Variants in GAA observed in about 807,000 individuals in gnomAD.
GAA encodes the protein alpha glucosidase.
A neutral mutation model predicts 103.9 loss-of-function variants in GAA; 88 were observed. That is an observed-to-expected ratio of 0.85 (90% confidence interval 0.71 to 1.01). The LOEUF (loss-of-function observed/expected upper bound fraction) is 1.01, where lower values mean the gene tolerates loss of function less well. Ranked by LOEUF, GAA falls within the 50% of genes least tolerant of loss-of-function variation. The pLI, the probability that GAA is intolerant of heterozygous loss-of-function variation, is 0.00. For synonymous variants in GAA, 572 were observed against 563.1 expected, an observed-to-expected ratio of 1.02 and a Z score of -0.22; for missense variants, 1,350 against 1,305.3, an observed-to-expected ratio of 1.03 and a Z score of -0.53.
At chr17:80,117,458 G>C in intron 16 of GAA, 142 bp from the exon 17 acceptor site, 1 of 994,646 alleles carries the variant, frequency 1.0e-6, no homozygotes, top group South Asian at 1.3e-5. Flanking sequence ...CTGAGTCTGC[G>C]CCTGAAGTCA....
In GAA at chr17:80,118,677, C is replaced by G. The variant is rs377249041; in HGVS notation, c.2671C>G (p.Arg891Gly). 4 of 1,612,824 alleles carry G rather than the reference C, an allele frequency of 2.5e-6. No homozygotes were observed. Among genetic ancestry groups the G allele is most frequent in the Non-Finnish European group, 2.5e-6 (3 of 1,180,006 alleles). ...RNNTIVNELV[R>G]VTSEGAGLQL... ...GAACACGATCGTGAATGAGCTGGTA[C>G]GTGTGACCAGTGAGGGAGCTGGCCT... The change falls in exon 19 of 20, where the codon CGT (arginine) becomes GGT (glycine). Residue 891 changes from arginine (R) to glycine (G), a missense_variant. Coordinates refer to ENST00000302262, the MANE Select transcript of GAA (RefSeq NM_000152.5).
chr17:80,113,814 T>A (rs541734922), intron 15 of GAA, among the ~76,000 whole-genome samples: 10 of 151,388 alleles, frequency 6.6e-5, no homozygotes, highest in Non-Finnish European at 1.3e-4. Flanking sequence ...AGGTCAAGAG[T>A]TCGAGGCCAG....
In GAA at chr17:80,104,827, C is replaced by T. The variant is rs1555598687; in HGVS notation, c.241C>T (p.Gln81Ter). 2 of 1,612,584 alleles carry T rather than the reference C, an allele frequency of 1.2e-6. No homozygotes were observed. Among genetic ancestry groups the T allele is most frequent in the Non-Finnish European group, 1.7e-6 (2 of 1,179,852 alleles). ...HPGRPRAVPT[Q>*]CDVPPNSRFD... is the part of the protein sequence containing the mutation. ...CGGCCGTCCCAGAGCAGTGCCCACA[C>T]AGTGCGACGTCCCCCCCAACAGCCG... The change falls in exon 2 of 20, where the codon CAG becomes TAG. Residue 81 changes from glutamine (Q) to a stop codon, truncating the protein, a stop_gained. Coordinates refer to ENST00000302262, the MANE Select transcript of GAA (RefSeq NM_000152.5). LOFTEE classifies it high-confidence loss of function. The surrounding 1 kb of genome is among the most constrained non-coding windows in gnomAD (Gnocchi z 4.0).
At position 80,108,402 on chromosome 17, in the gene GAA, C is replaced by T. The variant is rs751215137; in HGVS notation, c.1068C>T (p.Asp356=). 46 of 1,613,278 alleles carry T rather than the reference C, an allele frequency of 2.9e-5. No individual in the cohort carries two copies. Among genetic ancestry groups the T allele is most frequent in the South Asian group, 2.3e-4 (21 of 91,096 alleles). ...EPKSVVQQYL[D]VVGYPFMPPY... ...AGAGCGTGGTGCAGCAGTACCTGGA[C>T]GTTGTGGGTAGGGCCTGCTCCCTGG... Residue 356 remains aspartate (D), a synonymous_variant, in exon 6 of 20, where the codon GAC becomes GAT. Transcript: ENST00000302262.
At chr17:80,110,690 G>T in intron 9 of GAA, 37 bp from the exon 10 acceptor site, 1 of 1,579,498 alleles carries the variant, frequency 6.3e-7, no homozygotes, top group Non-Finnish European at 8.7e-7. Context: ...GCCCTGGGTG[G>T]GGCCGGGTCT....
intron 10 of GAA, 42 bp from the exon 11 acceptor site, chr17:80,110,899 C>T (rs751770046): frequency 2.6e-5 from 42 of 1,613,096 alleles, no homozygotes; most frequent in Non-Finnish European, 1.6e-5. Context: ...CCACCCTCCT[C>T]ACTCTGGGCA....
intron 15 of GAA, among the ~76,000 whole-genome samples, chr17:80,115,128 G>T (rs2039332252): frequency 1.3e-5 from 2 of 151,948 alleles, no homozygotes; most frequent in Admixed American, 1.3e-4. Flanking sequence ...ATCAAACTTG[G>T]GCGGTTTTTC....
chr17:80,117,110 G>A lies in GAA; in HGVS notation c.2331+1G>A. On this transcript the variant is annotated splice_donor_variant, in intron 16 of 19. Transcript: ENST00000302262. LOFTEE classifies it high-confidence loss of function. ...GGGCACATGGTACGACCTGCAGACGGTGAGTCTGGGGACCCTAAGCCCTGG... is the reference window on the plus strand; with the variant it reads ...GGGCACATGGTACGACCTGCAGACGATGAGTCTGGGGACCCTAAGCCCTGG... The A allele has an allele frequency of 1.2e-6, 2 of 1,612,372 alleles. No homozygotes were observed. The highest frequency in any genetic ancestry group is 1.1e-5 in the South Asian group (1 of 91,080).
chr17:80,111,921 G>C (rs1307682468), intron 11 of GAA, 62 bp from the exon 12 acceptor site: 3 of 1,425,952 alleles, frequency 2.1e-6, no homozygotes, highest in Non-Finnish European at 2.9e-6. Context: ...TGGGGGGCAG[G>C]GAGGGCACCT....
At position 80,104,585 on chromosome 17, in the gene GAA, C is replaced by T. The variant is rs560511228; in HGVS notation, c.-2C>T. On this transcript the variant is annotated 5_prime_UTR_variant, in exon 2 of 20. Transcript: ENST00000302262. The surrounding 1 kb of genome is among the most constrained non-coding windows in gnomAD (Gnocchi z 4.0). ...TAGGAGCTGTCCAGGCCATCTCCAA[C>T]CATGGGAGTGAGGCACCCGCCCTGC... The T allele has an allele frequency of 4.4e-4, 716 of 1,609,626 alleles. 12 individuals carry two copies. The South Asian group carries it at 7.1e-3, about 16-fold the overall frequency.
intron 3 of GAA, among the ~76,000 whole-genome samples, chr17:80,106,685 A>G (rs1287063447): frequency 6.6e-6 from 1 of 152,216 alleles, no homozygotes; most frequent in Non-Finnish European, 1.5e-5. Context: ...TGGGAGGCCA[A>G]GGCGAGAGGG....
rs1384805011 is a variant in GAA at position 80,112,676 on chromosome 17, G to A, written c.1853G>A (p.Trp618Ter). 6.2e-7 allele frequency: 1 copy of A among 1,611,050 alleles called. No individual in the cohort carries two copies. The highest frequency in any genetic ancestry group is 1.7e-5 in the Admixed American group (1 of 59,760). ...RYAGHWTGDVWSSWEQLASSV... is the reference protein window; with the variant it reads ...RYAGHWTGDV Reference sequence around the variant, plus strand: ...GCCGGCCACTGGACGGGGGACGTGTGGAGCTCCTGGGAGCAGCTCGCCTCC... The same window carrying A: ...GCCGGCCACTGGACGGGGGACGTGTAGAGCTCCTGGGAGCAGCTCGCCTCC... The change falls in exon 13 of 20, where the codon TGG (tryptophan) becomes TAG (stop). Residue 618 changes from tryptophan to a stop codon, truncating the protein, a stop_gained. Coordinates refer to ENST00000302262, the MANE Select transcript of GAA (RefSeq NM_000152.5). LOFTEE classifies it high-confidence loss of function.
Position 80,112,649 on chromosome 17 carries a change from A to G in GAA, c.1826A>G (p.Tyr609Cys). Residue 609 changes from tyrosine (Y) to cysteine (C), a missense_variant, in exon 13 of 20, where the codon TAC becomes TGC. Coordinates refer to ENST00000302262, the MANE Select transcript of GAA (RefSeq NM_000152.5). The part of the protein sequence containing the change: ...SRSTFAGHGR[Y>C]AGHWTGDVWS... ...TCGACCTTTGCTGGCCACGGCCGAT[A>G]CGCCGGCCACTGGACGGGGGACGTG... 6.2e-7 allele frequency: 1 copy of G among 1,612,586 alleles called. No homozygotes were observed. The highest frequency in any genetic ancestry group is 1.7e-5 in the Admixed American group (1 of 59,984).
At chr17:80,114,428 T>C (rs2039318771) in intron 15 of GAA, among the ~76,000 whole-genome samples, 1 of 152,104 alleles carries the variant, frequency 6.6e-6, no homozygotes, top group South Asian at 2.1e-4. Context: ...CACTTTTTTT[T>C]TTTTTTTTTT....
At chr17:80,109,731 C>T (rs924664193) in intron 8 of GAA, among the ~76,000 whole-genome samples, 3 of 152,162 alleles carry the variant, frequency 2.0e-5, no homozygotes, top group African/African-American at 4.8e-5. Context: ...GCTTCCATTC[C>T]GGCGCGCCCC....
chr17:80,111,456 GCTGAA>G (rs1375421662), intron 11 of GAA, among the ~76,000 whole-genome samples: 1 of 152,206 alleles, frequency 6.6e-6, no homozygotes, highest in Non-Finnish European at 1.5e-5. Flanking sequence ...GGGGATTCTG[GCTGAA>G]CTGACCCAGC....
In GAA at chr17:80,110,950, G is replaced by A. The variant is rs121907937; in HGVS notation, c.1561G>A (p.Glu521Lys). 6 of 1,613,778 alleles carry A rather than the reference G, an allele frequency of 3.7e-6. No homozygotes were observed. Among genetic ancestry groups the A allele is most frequent in the Admixed American group, 3.3e-5 (2 of 59,992 alleles). Residue 521 changes from glutamate to lysine, a missense_variant, in exon 11 of 20, where the codon GAG becomes AAG. Physicochemically the swap from Glu to Lys is moderately conservative, Grantham distance 56. Transcript: ENST00000302262. ...AGCGCTTCTCTTGCAGGACATGAAC[G>A]AGCCTTCCAACTTCATCAGGGGCTC... is the stretch of plus-strand genomic sequence containing the variant. ...PFDGMWIDMN[E>K]PSNFIRGSED...
At chr17:80,117,165 C>T (rs2039373339) in intron 16 of GAA, 56 bp downstream of exon 16, 1 of 1,568,794 alleles carries the variant, frequency 6.4e-7, no homozygotes, top group East Asian at 2.2e-5. Context: ...AGCCCTCCCA[C>T]CTGCCCCCTC....
In GAA at chr17:80,118,647, G is replaced by T. The variant is rs201525743; in HGVS notation, c.2647-6G>T. ...CTGCCTTTTCATCTCTCTCTGCTCG[G>T]CCCAGAACACGATCGTGAATGAGCT... is the stretch of plus-strand genomic sequence containing the variant. On this transcript the variant is annotated splice_polypyrimidine_tract_variant and splice_region_variant and intron_variant, in intron 18 of 19. Coordinates refer to ENST00000302262, the MANE Select transcript of GAA (RefSeq NM_000152.5). 137 of 1,611,658 alleles carry T rather than the reference G, an allele frequency of 8.5e-5. No homozygotes were observed. Among genetic ancestry groups the T allele is most frequent in the Non-Finnish European group, 1.1e-4 (133 of 1,179,986 alleles).
Sources: allele counts gnomAD v4.1 joint callset (sites outside exome capture counted in the v4.1 genomes callset), GRCh38; gene constraint gnomAD v4.1.1; non-coding constraint Gnocchi (gnomAD v3.1); transcripts MANE v1.5; gene names NCBI Gene and HGNC (gene_info 2026-07-23, HGNC 2026-07-21).